Variants in LRRC7 observed in about 807,000 individuals in gnomAD.
LRRC7 encodes the protein leucine rich repeat containing 7, also known as leucine-rich repeat-containing protein 7.
LRRC7 carries 23 observed loss-of-function variants against 175.7 expected under a neutral mutation model. The observed-to-expected ratio is 0.13, with a 90% CI of 0.09 to 0.19. The LOEUF is 0.19. Ranked by LOEUF, LRRC7 falls within the 10% of genes least tolerant of loss-of-function variation. The probability of loss-of-function intolerance (pLI) is 1.00; values close to 1 mark genes in which losing one functional copy is unlikely to be tolerated. For missense variants in LRRC7, 1,354 were observed against 1,904.7 expected (o/e 0.71, Z 5.38); for synonymous variants, 685 against 680.9 (o/e 1.01, Z -0.09).
intron 11 of LRRC7, among the ~76,000 whole-genome samples, chr1:70,008,389 C>A (rs1372959539): frequency 6.6e-6 from 1 of 152,192 alleles, no homozygotes; most frequent in Non-Finnish European, 1.5e-5. Flanking sequence ...CAATCAAGTT[C>A]ACATTCAGTA....
rs538185870 is a variant in LRRC7, at chr1:69,900,586, C to G, written c.648-30921C>G. ...TAGCATACAATATTCTTCTAAGGTG[C>G]CAAATCATAATAAATATTCTCCTCA... On this transcript the variant is annotated intron_variant, in intron 7 of 26. Transcript: ENST00000651989. Among the ~76,000 whole-genome samples the G allele has an allele frequency of 2.0e-4, 31 of 152,132 alleles. No individual in the cohort carries two copies. In the South Asian group the frequency reaches 6.2e-3, roughly 31 times the overall value.
intron 1 of LRRC7, among the ~76,000 whole-genome samples, chr1:69,589,076 G>A (rs746092095): frequency 5.6e-5 from 8 of 142,814 alleles, no homozygotes; most frequent in Non-Finnish European, 1.2e-4. Flanking sequence ...CAATATCTAA[G>A]GTTTCTGAGA....
chr1:69,763,738 T>C (rs1178897577), intron 3 of LRRC7, among the ~76,000 whole-genome samples: 2 of 152,070 alleles, frequency 1.3e-5, no homozygotes, highest in Non-Finnish European at 2.9e-5. Context: ...AGGCAGAGCA[T>C]TGAGCTCTTT....
intron 7 of LRRC7, among the ~76,000 whole-genome samples, chr1:69,918,641 C>A (rs1163957062): frequency 3.3e-5 from 5 of 152,008 alleles, no homozygotes; most frequent in African/African-American, 1.2e-4. Flanking sequence ...TGAATGCCAT[C>A]TCTGAAAACA....
chr1:69,815,147 T>C (rs182824095), intron 4 of LRRC7, among the ~76,000 whole-genome samples: 2 of 152,278 alleles, frequency 1.3e-5, no homozygotes, highest in Non-Finnish European at 2.9e-5. Context: ...TTGTGAAACC[T>C]CCACCATCAT....
At position 70,134,546 on chromosome 1, in the gene LRRC7, G is replaced by A. The variant is rs911036577; in HGVS notation, c.*12659G>A. Among the ~76,000 whole-genome samples, 3 of 151,940 alleles carry A rather than the reference G, an allele frequency of 2.0e-5. No homozygotes were observed. The highest frequency in any genetic ancestry group is 7.3e-5 in the African/African-American group (3 of 41,326). On this transcript the variant is annotated 3_prime_UTR_variant, in exon 27 of 27. Coordinates refer to ENST00000651989, the MANE Select transcript of LRRC7 (RefSeq NM_001370785.2). ...ATTTAATCTTTTTTTCTTCCAACCCGGAGCAAAGGTAGAGGGAAGACAAGG... is the reference window on the plus strand; with the variant it reads ...ATTTAATCTTTTTTTCTTCCAACCCAGAGCAAAGGTAGAGGGAAGACAAGG...
intron 7 of LRRC7, among the ~76,000 whole-genome samples, chr1:69,879,212 TAAAAAAAA>T (rs201332183): frequency 1.1e-5 from 1 of 91,960 alleles, no homozygotes; most frequent in Non-Finnish European, 2.0e-5. Context: ...AAAACTGCTT[TAAAAAAAA>T]AAAAAAAAAA....
At chr1:69,634,974 T>C (rs1653093284) in intron 1 of LRRC7, among the ~76,000 whole-genome samples, 1 of 152,136 alleles carries the variant, frequency 6.6e-6, no homozygotes, top group South Asian at 2.1e-4. Flanking sequence ...CAAGGATATA[T>C]GTGCAGGTTT....
At position 69,636,413 on chromosome 1, in the gene LRRC7, A is replaced by G. The variant is rs547942827; in HGVS notation, c.3-41968A>G. ...TCACTACAAATCCAGAGGATTTTACATCCAGGCACAGACACACACACACAC... is the reference window on the plus strand; with the variant it reads ...TCACTACAAATCCAGAGGATTTTACGTCCAGGCACAGACACACACACACAC... On this transcript the variant is annotated intron_variant, in intron 1 of 26. Coordinates refer to ENST00000651989, the MANE Select transcript of LRRC7 (RefSeq NM_001370785.2). Among the ~76,000 whole-genome samples the G allele has an allele frequency of 7.0e-5, 7 of 100,120 alleles. No homozygotes were observed. In the East Asian group the frequency reaches 2.0e-3, roughly 29 times the overall value. The allele number at this position is 100,120 out of a possible 152,430, so 65.7% of individuals were successfully genotyped here.
chr1:70,046,951 T>C (rs1329367179), intron 22 of LRRC7, among the ~76,000 whole-genome samples: 1 of 152,132 alleles, frequency 6.6e-6, no homozygotes, highest in Non-Finnish European at 1.5e-5. Context: ...CCCTGAACCC[T>C]TCTCCCCAGG....
At chr1:70,118,678 G>A (rs1020320153) in intron 26 of LRRC7, among the ~76,000 whole-genome samples, 1 of 152,096 alleles carries the variant, frequency 6.6e-6, no homozygotes, top group Non-Finnish European at 1.5e-5. Context: ...CCCTTTCCCT[G>A]GTTGTATGAC....
chr1:69,806,380 A>G (rs12028771), intron 4 of LRRC7, among the ~76,000 whole-genome samples: 24,380 of 151,870 alleles, frequency 0.16, 2,354 homozygotes, highest in East Asian at 0.49. Flanking sequence ...ATTCATTCCC[A>G]TGTGAACTTA....
chr1:69,881,465 C>T (rs564771073), intron 7 of LRRC7, among the ~76,000 whole-genome samples: 1 of 152,208 alleles, frequency 6.6e-6, no homozygotes. Flanking sequence ...AACTAATATG[C>T]GTATAGCTGT....
chr1:69,960,210 G>A (rs536854189), intron 8 of LRRC7, among the ~76,000 whole-genome samples: 1 of 151,954 alleles, frequency 6.6e-6, no homozygotes, highest in Non-Finnish European at 1.5e-5. Context: ...GTTCAGTCTT[G>A]GGGGATGGTG....
chr1:69,617,546 G>GGA (rs1649830378), intron 1 of LRRC7, among the ~76,000 whole-genome samples: 1 of 10,484 alleles, frequency 9.5e-5, no homozygotes, highest in Non-Finnish European at 1.9e-4. Context: ...TATACTCACA[G>GGA]TAAAAAAAAA....
At chr1:69,766,792 C>T (rs1671668650) in intron 3 of LRRC7, among the ~76,000 whole-genome samples, 2 of 152,080 alleles carry the variant, frequency 1.3e-5, no homozygotes, top group Admixed American at 1.3e-4. Flanking sequence ...TGCTTTCACA[C>T]CCAAATGTAG....
In LRRC7 at chr1:70,101,445, C is replaced by T. The variant is rs184647678; in HGVS notation, c.4546-6307C>T. Reference sequence around the variant, plus strand: ...AAGACAAGTTCTATTTTGGTATCTACATTTACAATGGCTGAGACTGTCACA... The same window carrying T: ...AAGACAAGTTCTATTTTGGTATCTATATTTACAATGGCTGAGACTGTCACA... On this transcript the variant is annotated intron_variant, in intron 25 of 26. Transcript: ENST00000651989. 5.3e-5 allele frequency among the ~76,000 whole-genome samples: 8 copies of T among 152,304 alleles called. No individual in the cohort carries two copies. The East Asian group carries it at 1.5e-3, about 29-fold the overall frequency.
intron 1 of LRRC7, among the ~76,000 whole-genome samples, chr1:69,597,268 G>A (rs1314567523): frequency 2.0e-5 from 3 of 152,072 alleles, no homozygotes; most frequent in African/African-American, 4.8e-5. Flanking sequence ...ATAGACCTGG[G>A]AATTAATCTC....
intron 1 of LRRC7, among the ~76,000 whole-genome samples, chr1:69,622,406 GA>G (rs1650755264): frequency 6.6e-6 from 1 of 152,092 alleles, no homozygotes; most frequent in Non-Finnish European, 1.5e-5. Flanking sequence ...GAAAAGTCAT[GA>G]AAAGATGAAA....
Sources: gnomAD v4.1 joint callset for allele counts (sites outside exome capture counted in the v4.1 genomes callset) on GRCh38, gnomAD v4.1.1 for gene constraint, MANE v1.5 for transcripts, NCBI Gene and HGNC (gene_info 2026-07-23, HGNC 2026-07-21) for gene names.